The following DNAH10 variants were observed in gnomAD, a reference collection of about 807,000 sequenced individuals.
DNAH10 encodes axonemal beta dynein heavy chain 10.
In DNAH10, 348 loss-of-function variants were observed where a neutral mutation model predicts 506.6. The observed-to-expected ratio is 0.69, with a 90% CI of 0.63 to 0.75. The LOEUF (loss-of-function observed/expected upper bound fraction) is 0.75, where lower values mean the gene tolerates loss of function less well. Ranked by LOEUF, DNAH10 falls within the 30% of genes least tolerant of loss-of-function variation. DNAH10 has a pLI of 0.00. For missense variants in DNAH10, 5,179 were observed against 5,787.1 expected (o/e 0.89, Z 3.41); for synonymous variants, 2,059 against 2,198.6 (o/e 0.94, Z 1.78).
chr12:123,882,415 T>A (rs1337466492), intron 51 of DNAH10, among the ~76,000 whole-genome samples: 3 of 152,184 alleles, frequency 2.0e-5, no homozygotes, highest in Non-Finnish European at 4.4e-5. Context: ...GACCATACAA[T>A]CCACACATTC....
intron 1 of DNAH10, among the ~76,000 whole-genome samples, chr12:123,765,820 C>T (rs1016361067): frequency 7.7e-6 from 1 of 129,668 alleles, no homozygotes; most frequent in Admixed American, 7.7e-5. Flanking sequence ...CCTACCTATA[C>T]ATCTATCTCT....
At chr12:123,835,658 T>A (rs1021362512) in intron 28 of DNAH10, 130 bp downstream of exon 28, 25 of 1,353,912 alleles carry the variant, frequency 1.8e-5, no homozygotes, top group Non-Finnish European at 1.9e-5. Flanking sequence ...AGGGTTTTGC[T>A]CTGTTGCCCA....
chr12:123,877,545 A>T (rs1952309146), intron 47 of DNAH10, among the ~76,000 whole-genome samples, 191 bp from the exon 48 acceptor site: 2 of 151,792 alleles, frequency 1.3e-5, no homozygotes, highest in South Asian at 4.2e-4. Flanking sequence ...TCAACTCCTG[A>T]CCTCAGGTGA....
rs113803357 is a variant in DNAH10, at chr12:123,767,477, C to G, written c.215-129C>G. ...TCCAGTAAGGAATACTGCTGTACCA[C>G]TGTAACATAACGAGTCTCCTGTGGG... is the stretch of plus-strand genomic sequence containing the variant. On this transcript the variant is annotated intron_variant, in intron 1 of 78. Coordinates refer to ENST00000673944, the MANE Select transcript of DNAH10 (RefSeq NM_001372106.1). 1.8e-3 allele frequency: 1,467 copies of G among 816,708 alleles called. 18 individuals carry two copies. The African/African-American group carries it at 0.022, about 12-fold the overall frequency. The allele number at this position is 816,708 out of a possible 1,614,324, so 50.6% of individuals were successfully genotyped here.
At chr12:123,860,102 T>C (rs1951558175) in intron 38 of DNAH10, among the ~76,000 whole-genome samples, 2 of 151,970 alleles carry the variant, frequency 1.3e-5, no homozygotes, top group African/African-American at 2.4e-5. Context: ...GAAAGTGGAT[T>C]CCTGACTCCT....
chr12:123,810,882 A>G (rs1958907989), intron 19 of DNAH10, among the ~76,000 whole-genome samples: 1 of 152,228 alleles, frequency 6.6e-6, no homozygotes, highest in Non-Finnish European at 1.5e-5. Context: ...ATAAAACATT[A>G]TGAATATTAA....
intron 33 of DNAH10, 113 bp downstream of exon 33, chr12:123,848,208 A>G: frequency 6.9e-7 from 1 of 1,448,302 alleles, no homozygotes; most frequent in Non-Finnish European, 9.3e-7. Flanking sequence ...AAGCTAGTAG[A>G]AAACCTTCCA....
At chr12:123,790,237 C>T in intron 11 of DNAH10, 116 bp downstream of exon 11, 1 of 999,766 alleles carries the variant, frequency 1.0e-6, no homozygotes, top group Admixed American at 2.5e-5. Context: ...CAAGTAATAC[C>T]TGCTTATTAA....
chr12:123,857,753 G>A (rs1951454859), intron 37 of DNAH10, among the ~76,000 whole-genome samples: 1 of 152,192 alleles, frequency 6.6e-6, no homozygotes, highest in Non-Finnish European at 1.5e-5. Context: ...AAGAAAAAAT[G>A]TAGAGTTTGT....
At chr12:123,882,563 C>G (rs955643113) in intron 51 of DNAH10, among the ~76,000 whole-genome samples, 1 of 151,942 alleles carries the variant, frequency 6.6e-6, no homozygotes, top group Non-Finnish European at 1.5e-5. Context: ...GAGGCCAAGG[C>G]GGGTGGATCA....
At chr12:123,879,873 G>C in intron 50 of DNAH10, 72 bp downstream of exon 50, 1 of 1,543,128 alleles carries the variant, frequency 6.5e-7, no homozygotes, top group Non-Finnish European at 8.8e-7. Context: ...GCTGAGCATC[G>C]CGCGGGTGCC....
At chr12:123,931,219 A>T in intron 73 of DNAH10, 122 bp from the exon 74 acceptor site, 1 of 1,436,884 alleles carries the variant, frequency 7.0e-7, no homozygotes, top group Non-Finnish European at 9.2e-7. Flanking sequence ...TCAAAAAAAA[A>T]AAAAGTCACC....
intron 55 of DNAH10, 29 bp from the exon 56 acceptor site, chr12:123,898,624 C>T (rs967781292): frequency 5.4e-6 from 8 of 1,480,822 alleles, no homozygotes; most frequent in South Asian, 2.7e-5. Context: ...GCCACCTCGA[C>T]GATGAACATA....
chr12:123,838,844 G>T (rs553910846), intron 29 of DNAH10, among the ~76,000 whole-genome samples, 155 bp downstream of exon 29: 29 of 152,098 alleles, frequency 1.9e-4, no homozygotes, highest in Non-Finnish European at 3.7e-4. Flanking sequence ...ACAGGGTCTG[G>T]CTCTGTTGCC....
At position 123,896,111 on chromosome 12, in the gene DNAH10, TCA is replaced by T. The variant is rs112187635; in HGVS notation, c.9280+1425_9280+1426del. On this transcript the variant is annotated intron_variant, in intron 54 of 78. Transcript: ENST00000673944. ...CTGGGAGGCACAGTGAGACTTTATCTCACACACACACACACACACACACACAC... is the reference window on the plus strand; with the variant it reads ...CTGGGAGGCACAGTGAGACTTTATCTCACACACACACACACACACACACAC... 2.6e-3 allele frequency among the ~76,000 whole-genome samples: 126 copies of T among 48,952 alleles called. 1 individual carries two copies. Among genetic ancestry groups the T allele is most frequent in the African/African-American group, 3.7e-3 (64 of 17,172 alleles). 32.1% of individuals were successfully genotyped at this position (48,952 alleles called of 152,430 possible).
rs1322245487 is a variant in DNAH10, at chr12:123,796,828, A to G, written c.2159A>G (p.Gln720Arg). The G allele has an allele frequency of 1.2e-6, 2 of 1,603,400 alleles. No individual in the cohort carries two copies. Among genetic ancestry groups the G allele is most frequent in the Admixed American group, 3.5e-5 (2 of 57,548 alleles). The part of the protein sequence containing the change: ...VQEILDSDRG[Q>R]EVKQKYLEVG... ...GAGATACTGGACAGTGATCGAGGAC[A>G]GGAGGTATGTTGCTCTTGCTAGAAT... Residue 720 changes from glutamine to arginine, a missense_variant, in exon 13 of 79, where the codon CAG (glutamine) becomes CGG (arginine). Gln to Arg is a conservative substitution (Grantham distance 43, BLOSUM62 1). This residue lies in a region of DNAH10 where 4,844 missense variants were observed against 5,430.5 expected (regional missense o/e 0.89). Coordinates refer to ENST00000673944, the MANE Select transcript of DNAH10 (RefSeq NM_001372106.1).
Position 123,850,905 on chromosome 12 carries a change from T to C in DNAH10, c.6120T>C (p.Ile2040=). The C allele has an allele frequency of 6.2e-7, 1 of 1,612,164 alleles. No individual in the cohort carries two copies. The highest frequency in any genetic ancestry group is 8.5e-7 in the Non-Finnish European group (1 of 1,178,800). Residue 2040 remains isoleucine (I), a synonymous_variant, in exon 35 of 79, where the codon ATT becomes ATC. Coordinates refer to ENST00000673944, the MANE Select transcript of DNAH10 (RefSeq NM_001372106.1). This position sits in a 1 kb window ranked among gnomAD's most constrained non-coding sequence, Gnocchi z 5.5. ...CCCTCCAGTTTGAAGGGCAGGAGAT[T>C]TCCCTGGACTCCCGCATGGGCATCT... ...LTTFQFEGQE[I]SLDSRMGIFI...
rs374723108 is a variant in DNAH10, at chr12:123,823,666, T to C, written c.4179+2908T>C. Among the ~76,000 whole-genome samples, 104 of 152,338 alleles carry C rather than the reference T, an allele frequency of 6.8e-4. 1 individual carries two copies. Among genetic ancestry groups the C allele is most frequent in the African/African-American group, 2.2e-3 (92 of 41,580 alleles). On this transcript the variant is annotated intron_variant, in intron 24 of 78. Coordinates refer to ENST00000673944, the MANE Select transcript of DNAH10 (RefSeq NM_001372106.1). Reference sequence around the variant, plus strand: ...TAGGTGTCTATATGGGATACATAGATGTTTTGACACGGGCATGCAATGTGT... The same window carrying C: ...TAGGTGTCTATATGGGATACATAGACGTTTTGACACGGGCATGCAATGTGT...
Position 123,845,678 on chromosome 12 carries a change from C to T in DNAH10, c.5439C>T (p.Asp1813=), listed in dbSNP as rs530383844. 8.7e-6 allele frequency: 14 copies of T among 1,613,650 alleles called. No individual in the cohort carries two copies. Among genetic ancestry groups the T allele is most frequent in the Middle Eastern group, 3.3e-4 (2 of 6,060 alleles). ...TGTGGTGGACCTGGGAGGTGGAAGA[C>T]GTCTTCCACAAAGCGCAAAAAGGGG... ...SQVWWTWEVE[D]VFHKAQKGEK... is the part of the protein sequence containing the mutation. The change falls in exon 31 of 79, where the codon GAC becomes GAT. Residue 1813 remains aspartate (D), a synonymous_variant. Transcript: ENST00000673944.
Sources: gnomAD v4.1 joint callset for allele counts (sites outside exome capture counted in the v4.1 genomes callset) on GRCh38, gnomAD v4.1.1 for gene constraint, gnomAD v4.1.1 regional missense constraint, Gnocchi (gnomAD v3.1) non-coding constraint, MANE v1.5 for transcripts, NCBI Gene and HGNC (gene_info 2026-07-23, HGNC 2026-07-21) for gene names.